Variants in NR2C2 observed in about 807,000 individuals in gnomAD.
NR2C2 encodes the protein nuclear receptor subfamily 2 group C member 2, also known as Nuclear hormone receptor TR4.
In NR2C2, 6 loss-of-function variants were observed where a neutral mutation model predicts 62.9. The observed-to-expected ratio is 0.10, with a 90% CI of 0.05 to 0.19. The LOEUF (loss-of-function observed/expected upper bound fraction) is 0.19, where lower values mean the gene tolerates loss of function less well. NR2C2 is among the 10% of genes least tolerant of loss of function. The pLI, the probability that NR2C2 is intolerant of heterozygous loss-of-function variation, is 1.00. For synonymous variants in NR2C2, 272 were observed against 273.8 expected (o/e 0.99, Z 0.07); for missense variants, 479 against 762.7 (o/e 0.63, Z 4.38).
At chr3:14,987,851 G>C (rs2040553275) in intron 1 of NR2C2, among the ~76,000 whole-genome samples, 1 of 152,150 alleles carries the variant, frequency 6.6e-6, no homozygotes, top group Non-Finnish European at 1.5e-5. Flanking sequence ...TAATCACAGT[G>C]TGCATATAAC....
At chr3:14,986,802 T>C (rs1389857401) in intron 1 of NR2C2, among the ~76,000 whole-genome samples, 1 of 152,252 alleles carries the variant, frequency 6.6e-6, no homozygotes, top group Non-Finnish European at 1.5e-5. Flanking sequence ...GGTCACAGGT[T>C]GAGCATTGCA....
At chr3:14,981,318 G>T (rs1042590345) in intron 1 of NR2C2, among the ~76,000 whole-genome samples, 4 of 151,958 alleles carry the variant, frequency 2.6e-5, no homozygotes, top group Admixed American at 6.6e-5. Context: ...ATATTAAAAA[G>T]TTAGGCCGGG....
intron 1 of NR2C2, among the ~76,000 whole-genome samples, chr3:14,969,244 C>CTTTT (rs35048015): frequency 3.2e-5 from 4 of 125,806 alleles, no homozygotes; most frequent in Non-Finnish European, 5.0e-5. Flanking sequence ...AATAAAGATT[C>CTTTT]TTTTTTTTTT....
chr3:14,980,867 A>G (rs1425381054), intron 1 of NR2C2, among the ~76,000 whole-genome samples: 4 of 152,222 alleles, frequency 2.6e-5, no homozygotes, highest in African/African-American at 9.6e-5. Flanking sequence ...CTGAGAAAAG[A>G]GGAAGAACCT....
chr3:15,007,994 GT>G (rs1227822371), intron 2 of NR2C2, among the ~76,000 whole-genome samples: 4 of 152,096 alleles, frequency 2.6e-5, no homozygotes, highest in Non-Finnish European at 2.9e-5. Flanking sequence ...CCTTTCTCGG[GT>G]GTTTACAGTG....
intron 1 of NR2C2, among the ~76,000 whole-genome samples, chr3:14,978,916 C>G (rs533716094): frequency 6.6e-6 from 1 of 152,304 alleles, no homozygotes; most frequent in Non-Finnish European, 1.5e-5. Context: ...GTACCACATT[C>G]AACCAGTCCT....
intron 8 of NR2C2, among the ~76,000 whole-genome samples, chr3:15,029,898 AAAGGAAGG>A (rs72500408): frequency 6.6e-5 from 10 of 152,000 alleles, no homozygotes; most frequent in Admixed American, 2.0e-4. Context: ...GACAAAGAGA[AAAGGAAGG>A]AAGGAAGGAA....
At chr3:14,952,906 AACAGCTCAACTAGC>A (rs1470981627) in intron 1 of NR2C2, among the ~76,000 whole-genome samples, 4 of 152,224 alleles carry the variant, frequency 2.6e-5, no homozygotes, top group African/African-American at 7.2e-5. Context: ...GCCCAAGAAC[AACAGCTCAACTAGC>A]ACAGCTCAAC....
chr3:15,026,003 GCTTT>G (rs1321915285), intron 7 of NR2C2: 19 of 151,968 alleles, frequency 1.3e-4, no homozygotes, highest in Non-Finnish European at 2.3e-4. Flanking sequence ...TATATCTCTG[GCTTT>G]CTTTTCTTTT....
In NR2C2 at chr3:15,046,066, T is replaced by C. The variant is rs1171653198; in HGVS notation, c.*3058T>C. The C allele has an allele frequency of 6.6e-6, 1 of 152,246 alleles. No individual in the cohort carries two copies. The highest frequency in any genetic ancestry group is 1.9e-4 in the East Asian group (1 of 5,206). 9.4% of individuals were successfully genotyped at this position (152,246 alleles called of 1,614,324 possible). A position where few individuals can be genotyped will look rare whatever the true frequency, so the allele number is the denominator to read the frequency against. ...AAATTAGTTGAGCAAGTAATACTTT[T>C]CAAGTTACTCCTGGAAGGTGTTTTT... On this transcript the variant is annotated 3_prime_UTR_variant, in exon 14 of 14. Transcript: ENST00000425241.
In NR2C2 at chr3:15,044,613, AC is replaced by A. The variant is rs1215376870; in HGVS notation, c.*1608del. 1.3e-5 allele frequency: 2 copies of A among 152,204 alleles called. No individual in the cohort carries two copies. The highest frequency in any genetic ancestry group is 4.8e-5 in the African/African-American group (2 of 41,454). The allele number at this position is 152,204 out of a possible 1,614,324, so 9.4% of individuals were successfully genotyped here. On this transcript the variant is annotated 3_prime_UTR_variant, in exon 14 of 14. Coordinates refer to ENST00000425241, the MANE Select transcript of NR2C2 (RefSeq NM_001291694.2). ...TAAATAGTCCAGATTAAGAAAATAC[AC>A]CCTGTTGGGTTAAATTTGCCTCTCT...
intron 5 of NR2C2, among the ~76,000 whole-genome samples, chr3:15,021,173 T>C (rs532377456): frequency 5.8e-4 from 88 of 152,258 alleles, no homozygotes; most frequent in African/African-American, 2.0e-3. Flanking sequence ...GGCAGCTTAG[T>C]GGAGTGGGTT....
At chr3:14,999,456 G>A (rs1247872959) in intron 1 of NR2C2, among the ~76,000 whole-genome samples, 4 of 152,080 alleles carry the variant, frequency 2.6e-5, no homozygotes, top group South Asian at 4.1e-4. Context: ...GTGCTACTGC[G>A]CTCTAGCACA....
At position 15,038,008 on chromosome 3, in the gene NR2C2, T is replaced by G. The variant is rs1185840033; in HGVS notation, c.1381T>G (p.Ser461Ala). ...GTGATGTTGGTTTCTAGATAAACTTTCTGGTGACCGGATAAAGCAAGTCAT... is the reference window on the plus strand; with the variant it reads ...GTGATGTTGGTTTCTAGATAAACTTGCTGGTGACCGGATAAAGCAAGTCAT... ...LQNSIQEDKL[S>A]GDRIKQVMEH... Residue 461 changes from serine (S) to alanine (A), a missense_variant, in exon 12 of 14, where the codon TCT becomes GCT. Ser to Ala is a moderately conservative substitution (Grantham distance 99). Coordinates refer to ENST00000425241, the MANE Select transcript of NR2C2 (RefSeq NM_001291694.2). 1 of 1,613,246 alleles carries G rather than the reference T, an allele frequency of 6.2e-7. No individual in the cohort carries two copies. Among genetic ancestry groups the G allele is most frequent in the South Asian group, 1.1e-5 (1 of 90,842 alleles).
At chr3:14,994,206 A>G (rs2040752281) in intron 1 of NR2C2, among the ~76,000 whole-genome samples, 1 of 152,164 alleles carries the variant, frequency 6.6e-6, no homozygotes, top group Admixed American at 6.5e-5. Flanking sequence ...TAAACTTTTT[A>G]TTGTAGTATA....
In NR2C2 at chr3:15,046,323, T is replaced by C. The variant is rs1445824841; in HGVS notation, c.*3315T>C. 3 of 152,234 alleles carry C rather than the reference T, an allele frequency of 2.0e-5. No individual in the cohort carries two copies. Among genetic ancestry groups the C allele is most frequent in the Non-Finnish European group, 2.9e-5 (2 of 68,042 alleles). 9.4% of individuals were successfully genotyped at this position (152,234 alleles called of 1,614,324 possible). On this transcript the variant is annotated 3_prime_UTR_variant, in exon 14 of 14. Coordinates refer to ENST00000425241, the MANE Select transcript of NR2C2 (RefSeq NM_001291694.2). ...TGAATGTGGACTCTTCTGAGGCAGT[T>C]AGGACACCAGCCATGGTGTTAACAG...
intron 4 of NR2C2, among the ~76,000 whole-genome samples, chr3:15,017,534 A>T (rs1485725803): frequency 6.6e-6 from 1 of 152,208 alleles, no homozygotes; most frequent in Non-Finnish European, 1.5e-5. Flanking sequence ...TGAGTGAAGC[A>T]TGAACGTAAC....
intron 1 of NR2C2, among the ~76,000 whole-genome samples, chr3:14,981,126 G>A (rs142433301): frequency 2.6e-5 from 4 of 152,122 alleles, no homozygotes. Context: ...ATTAAACTTT[G>A]TGCCTTGGCA....
chr3:14,970,663 T>C (rs2040010017), intron 1 of NR2C2, among the ~76,000 whole-genome samples: 1 of 152,218 alleles, frequency 6.6e-6, no homozygotes, highest in South Asian at 2.1e-4. Flanking sequence ...TATGTTATAG[T>C]ATATGTCAGT....
Sources: allele counts gnomAD v4.1 joint callset (sites outside exome capture counted in the v4.1 genomes callset), GRCh38; gene constraint gnomAD v4.1.1; transcripts MANE v1.5; gene names NCBI Gene and HGNC (gene_info 2026-07-23, HGNC 2026-07-21).